BMPR2: variants seen among roughly 807,000 people sequenced by gnomAD.
The protein encoded by BMPR2 is bone morphogenetic protein receptor type-2.
A neutral mutation model predicts 100.8 loss-of-function variants in BMPR2; 29 were observed. The observed-to-expected ratio is 0.29, with a 90% CI of 0.21 to 0.39. The LOEUF (loss-of-function observed/expected upper bound fraction) is 0.39. BMPR2 is among the 10% of genes least tolerant of loss of function. The probability of loss-of-function intolerance (pLI) is 1.00; values close to 1 mark genes in which losing one functional copy is unlikely to be tolerated. For synonymous variants in BMPR2, 382 were observed against 442.3 expected (o/e 0.86, Z 1.71); for missense variants, 1,011 against 1,274.5 (o/e 0.79, Z 3.15).
intron 7 of BMPR2, among the ~76,000 whole-genome samples, chr2:202,523,184 A>G (rs1687850508): frequency 6.6e-6 from 1 of 152,256 alleles, no homozygotes; most frequent in African/African-American, 2.4e-5. Context: ...ACAATGATAT[A>G]CTATCTTACA....
rs886055466 is a variant in BMPR2, at chr2:202,376,773, C to T, written c.-702C>T. Among the ~76,000 whole-genome samples, 37 of 151,236 alleles carry T rather than the reference C, an allele frequency of 2.4e-4. No homozygotes were observed. Among genetic ancestry groups the T allele is most frequent in the Admixed American group, 1.1e-3 (16 of 15,154 alleles). On this transcript the variant is annotated 5_prime_UTR_variant, in exon 1 of 13. Coordinates refer to ENST00000374580, the MANE Select transcript of BMPR2 (RefSeq NM_001204.7). ...GACCGGGGCCGCGACCGCGACCCCT[C>T]CCCTCCCCCGCTCCTACCTCTCCTC...
At chr2:202,386,626 G>A (rs1404358650) in intron 1 of BMPR2, among the ~76,000 whole-genome samples, 1 of 151,346 alleles carries the variant, frequency 6.6e-6, no homozygotes, top group African/African-American at 2.4e-5. Context: ...CTCTGTTAAC[G>A]TCTTTGCTTT....
At position 202,377,097 on chromosome 2, in the gene BMPR2, C is replaced by T. The variant is rs1690164013; in HGVS notation, c.-378C>T. 1.8e-6 allele frequency: 1 copy of T among 544,726 alleles called. No homozygotes were observed. The highest frequency in any genetic ancestry group is 3.2e-6 in the Non-Finnish European group (1 of 310,286). 33.7% of individuals were successfully genotyped at this position (544,726 alleles called of 1,614,324 possible). On this transcript the variant is annotated 5_prime_UTR_variant, in exon 1 of 13. Coordinates refer to ENST00000374580, the MANE Select transcript of BMPR2 (RefSeq NM_001204.7). ...CCCGACCCCGGATCGAATCCCCGCCCTCCGCACCCTGGATATGTTTTCTCC... is the reference window on the plus strand; with the variant it reads ...CCCGACCCCGGATCGAATCCCCGCCTTCCGCACCCTGGATATGTTTTCTCC...
At chr2:202,544,815 A>C (rs1297696769) in intron 10 of BMPR2, among the ~76,000 whole-genome samples, 1 of 119,794 alleles carries the variant, frequency 8.3e-6, no homozygotes, top group Non-Finnish European at 1.6e-5. Context: ...TTCTGGCTGG[A>C]GTATAGTGGT....
chr2:202,560,095 T>G lies in BMPR2; in HGVS notation c.*149T>G. On this transcript the variant is annotated 3_prime_UTR_variant, in exon 13 of 13. Transcript: ENST00000374580. ...AGACTTGCTTTAAATAGATTTCAGCTATGCAGAAAAATTTAGCTTATGCTT... is the reference window on the plus strand; with the variant it reads ...AGACTTGCTTTAAATAGATTTCAGCGATGCAGAAAAATTTAGCTTATGCTT... The G allele has an allele frequency of 9.6e-7, 1 of 1,039,034 alleles. No individual in the cohort carries two copies. The highest frequency in any genetic ancestry group is 2.8e-5 in the Admixed American group (1 of 35,460). The allele number at this position is 1,039,034 out of a possible 1,614,324, so 64.4% of individuals were successfully genotyped here.
At chr2:202,534,438 G>A (rs1184931954) in intron 9 of BMPR2, among the ~76,000 whole-genome samples, 1 of 151,578 alleles carries the variant, frequency 6.6e-6, no homozygotes, top group Non-Finnish European at 1.5e-5. Context: ...CTGGGTACTT[G>A]AGATTAGGGA....
rs1688680464 is a variant in BMPR2 at position 202,561,656 on chromosome 2, T to G, written c.*1710T>G. On this transcript the variant is annotated 3_prime_UTR_variant, in exon 13 of 13. Transcript: ENST00000374580. ...AGAGGAAAACACAAATCACCAAATT[T>G]CTGATTTATGTTTTTATCTCCTGAA... is the stretch of plus-strand genomic sequence containing the variant. 6.6e-6 allele frequency: 1 copy of G among 152,112 alleles called. No homozygotes were observed. Among genetic ancestry groups the G allele is most frequent in the Non-Finnish European group, 1.5e-5 (1 of 67,988 alleles). The allele number at this position is 152,112 out of a possible 1,614,324, so 9.4% of individuals were successfully genotyped here.
chr2:202,515,104 T>C, intron 5 of BMPR2, 125 bp downstream of exon 5: 1 of 980,516 alleles, frequency 1.0e-6, no homozygotes, highest in Non-Finnish European at 1.6e-6. Flanking sequence ...TTACAATTTT[T>C]TGTCAAGGCC....
intron 1 of BMPR2, among the ~76,000 whole-genome samples, chr2:202,380,429 A>G (rs778418463): frequency 1.6e-4 from 24 of 152,164 alleles, no homozygotes; most frequent in East Asian, 7.7e-4. Context: ...AAGTTTAGTA[A>G]TCTTCATTTT....
intron 1 of BMPR2, among the ~76,000 whole-genome samples, chr2:202,387,599 CTCT>C (rs1197360915): frequency 4.6e-5 from 7 of 152,164 alleles, no homozygotes; most frequent in African/African-American, 1.4e-4. Context: ...TAGATATAGT[CTCT>C]TCTTTTGCTG....
In BMPR2 at chr2:202,532,191, T is replaced by C. The variant is rs1688042466; in HGVS notation, c.1129-394T>C. Among the ~76,000 whole-genome samples the C allele has an allele frequency of 6.6e-6, 1 of 151,992 alleles. No homozygotes were observed. Among genetic ancestry groups the C allele is most frequent in the African/African-American group, 2.4e-5 (1 of 41,372 alleles). On this transcript the variant is annotated intron_variant, in intron 8 of 12. Transcript: ENST00000374580. This position sits in a 1 kb window ranked among gnomAD's most constrained non-coding sequence, Gnocchi z 4.1. ...CTCCTGACCTTGAGATCCACCCGCC[T>C]TGGCCTCCCAAAGTGCTAGGATTAC...
At chr2:202,547,128 A>C (rs1353342266) in intron 10 of BMPR2, among the ~76,000 whole-genome samples, 1 of 152,120 alleles carries the variant, frequency 6.6e-6, no homozygotes, top group African/African-American at 2.4e-5. Context: ...TAAAATAAAA[A>C]ATTATAGGCC....
At chr2:202,550,947 C>CTTT (rs34364158) in intron 10 of BMPR2, among the ~76,000 whole-genome samples, 16 of 68,342 alleles carry the variant, frequency 2.3e-4, no homozygotes, top group African/African-American at 5.3e-4. Context: ...AGCATATCAG[C>CTTT]TTTTTTTTTT....
At chr2:202,381,683 G>A (rs1312241898) in intron 1 of BMPR2, among the ~76,000 whole-genome samples, 5 of 152,154 alleles carry the variant, frequency 3.3e-5, no homozygotes, top group Admixed American at 3.3e-4. Context: ...TGGTCCAGAA[G>A]GGAGGCTTTT....
At chr2:202,462,370 G>A (rs561753711) in intron 1 of BMPR2, among the ~76,000 whole-genome samples, 165 of 151,808 alleles carry the variant, frequency 1.1e-3, no homozygotes, top group South Asian at 2.9e-3. Context: ...ACAGGCATGC[G>A]CCTGCATGCC....
chr2:202,395,889 A>G (rs1390654346), intron 1 of BMPR2, among the ~76,000 whole-genome samples: 1 of 152,148 alleles, frequency 6.6e-6, no homozygotes, highest in Non-Finnish European at 1.5e-5. Context: ...GTGAGCTGAG[A>G]TTGCACCATT....
intron 1 of BMPR2, among the ~76,000 whole-genome samples, chr2:202,395,585 A>G (rs1240096001): frequency 1.3e-5 from 2 of 152,196 alleles, no homozygotes; most frequent in Non-Finnish European, 2.9e-5. Flanking sequence ...ATGCACATAG[A>G]TAGTAATAAT....
chr2:202,436,249 T>C (rs927138888), intron 1 of BMPR2, among the ~76,000 whole-genome samples: 1 of 150,492 alleles, frequency 6.6e-6, no homozygotes, highest in African/African-American at 2.5e-5. Context: ...AGCCCAGAGT[T>C]AGAGACCAGC....
intron 9 of BMPR2, among the ~76,000 whole-genome samples, chr2:202,538,793 C>CAAAAAA (rs34853164): frequency 1.7e-5 from 1 of 60,322 alleles, no homozygotes; most frequent in Non-Finnish European, 3.3e-5. Context: ...GACTCTGTCT[C>CAAAAAA]AAAAAAAAAA....
Sources: gnomAD v4.1 joint callset for allele counts (sites outside exome capture counted in the v4.1 genomes callset) on GRCh38, gnomAD v4.1.1 for gene constraint, Gnocchi (gnomAD v3.1) non-coding constraint, MANE v1.5 for transcripts, NCBI Gene and HGNC (gene_info 2026-07-23, HGNC 2026-07-21) for gene names.